The following PHACTR3 variants were observed in gnomAD, a reference collection of about 807,000 sequenced individuals.
The protein encoded by PHACTR3 is phosphatase and actin regulator 3.
PHACTR3 carries 16 observed loss-of-function variants against 66.8 expected under a neutral mutation model. The ratio of observed to expected loss-of-function variants is 0.24; its 90% CI spans 0.16 to 0.36. The LOEUF is 0.36. Among genes scored for constraint, PHACTR3 ranks in the 10% least tolerant of loss-of-function variants. PHACTR3 has a pLI of 1.00. For synonymous variants in PHACTR3, 323 were observed against 292.1 expected, an observed-to-expected ratio of 1.11 and a Z score of -1.08; for missense variants, 647 against 719.9, an observed-to-expected ratio of 0.90 and a Z score of 1.16.
chr20:59,624,479 G>A (rs2034372886), intron 1 of PHACTR3, among the ~76,000 whole-genome samples: 1 of 152,110 alleles, frequency 6.6e-6, no homozygotes, highest in Non-Finnish European at 1.5e-5. Context: ...AAGATCTCAG[G>A]TGCCGCTGAT....
intron 7 of PHACTR3, among the ~76,000 whole-genome samples, chr20:59,794,885 G>A (rs1205946494): frequency 2.6e-5 from 4 of 152,016 alleles, no homozygotes; most frequent in Admixed American, 6.5e-5. Flanking sequence ...GGTATCTAAT[G>A]TTCCATTTTT....
chr20:59,797,240 T>C (rs1339013389), intron 7 of PHACTR3, among the ~76,000 whole-genome samples: 1 of 152,202 alleles, frequency 6.6e-6, no homozygotes, highest in African/African-American at 2.4e-5. Context: ...GTTTTCCTGA[T>C]TTCATTGAAT....
chr20:59,690,363 A>T (rs1458858316), intron 1 of PHACTR3, among the ~76,000 whole-genome samples: 1 of 152,168 alleles, frequency 6.6e-6, no homozygotes, highest in Non-Finnish European at 1.5e-5. Context: ...ATCCTGTCTG[A>T]TGCCCTTTGG....
rs547446269 is a variant in PHACTR3, at chr20:59,724,845, G to T, written c.119-18262G>T. ...TAATTGATGTCTGTGAACCCTGGTG[G>T]CTGTGTGCCAGGTAGGTATGTGCTC... On this transcript the variant is annotated intron_variant, in intron 1 of 12. Coordinates refer to ENST00000371015, the MANE Select transcript of PHACTR3 (RefSeq NM_080672.5). 3.3e-5 allele frequency among the ~76,000 whole-genome samples: 5 copies of T among 152,344 alleles called. No homozygotes were observed. In the South Asian group the frequency reaches 1.0e-3, roughly 32 times the overall value.
intron 1 of PHACTR3, among the ~76,000 whole-genome samples, chr20:59,678,735 A>G (rs2146534648): frequency 1.3e-5 from 2 of 152,306 alleles, no homozygotes; most frequent in Admixed American, 1.3e-4. Flanking sequence ...CTATCAATTA[A>G]CTTTAGAAGA....
intron 1 of PHACTR3, among the ~76,000 whole-genome samples, chr20:59,719,673 T>C (rs571008891): frequency 6.6e-6 from 1 of 152,310 alleles, no homozygotes; most frequent in South Asian, 2.1e-4. Flanking sequence ...CAGCAGTTCC[T>C]TCTGGAATCT....
At chr20:59,608,149 T>C (rs1405783358) in intron 1 of PHACTR3, among the ~76,000 whole-genome samples, 1 of 152,174 alleles carries the variant, frequency 6.6e-6, no homozygotes, top group Non-Finnish European at 1.5e-5. Context: ...GACAAATGGT[T>C]TCTTGTTGTG....
intron 8 of PHACTR3, among the ~76,000 whole-genome samples, chr20:59,824,282 A>T (rs1157909071): frequency 6.6e-6 from 1 of 152,178 alleles, no homozygotes; most frequent in East Asian, 1.9e-4. Context: ...CACAGATTCA[A>T]GGTTGGCAGA....
At chr20:59,784,347 GTGTA>G (rs1030817455) in intron 7 of PHACTR3, among the ~76,000 whole-genome samples, 2 of 151,986 alleles carry the variant, frequency 1.3e-5, no homozygotes, top group Non-Finnish European at 2.9e-5. Context: ...TATATAGAAT[GTGTA>G]TGTACAAACA....
At chr20:59,768,423 A>G (rs927739525) in intron 5 of PHACTR3, among the ~76,000 whole-genome samples, 1 of 152,198 alleles carries the variant, frequency 6.6e-6, no homozygotes, top group Non-Finnish European at 1.5e-5. Context: ...TGCCCCATTT[A>G]TGGTTGAGAA....
intron 11 of PHACTR3, chr20:59,843,897 G>T (rs570456332): frequency 6.6e-6 from 1 of 152,004 alleles, no homozygotes; most frequent in Non-Finnish European, 1.5e-5. Context: ...GGGAATATGA[G>T]AAAATATTAA....
chr20:59,807,060 C>G (rs188211013), intron 8 of PHACTR3, among the ~76,000 whole-genome samples: 4 of 152,202 alleles, frequency 2.6e-5, no homozygotes, highest in Non-Finnish European at 4.4e-5. Flanking sequence ...AAGGCTAGCA[C>G]GCGACCGTGC....
chr20:59,618,935 CTG>C (rs1389935403), intron 1 of PHACTR3, among the ~76,000 whole-genome samples: 2 of 152,210 alleles, frequency 1.3e-5, no homozygotes, highest in Non-Finnish European at 2.9e-5. Flanking sequence ...CTAGGATGGA[CTG>C]TGTTTTCTTC....
At chr20:59,767,123 C>T in intron 4 of PHACTR3, 63 bp from the exon 5 acceptor site, 1 of 1,558,038 alleles carries the variant, frequency 6.4e-7, no homozygotes, top group Non-Finnish European at 8.8e-7. Context: ...TTGCTTTGCT[C>T]TCTTACTTCC....
At chr20:59,633,357 C>T (rs6100531) in intron 1 of PHACTR3, among the ~76,000 whole-genome samples, 108,919 of 152,034 alleles carry the variant, frequency 0.72, 39,185 homozygotes, top group East Asian at 0.91. Context: ...TGTGGGGACA[C>T]GGATGAAGGT....
intron 1 of PHACTR3, among the ~76,000 whole-genome samples, chr20:59,610,150 G>GA (rs2033804849): frequency 6.6e-6 from 1 of 152,196 alleles, no homozygotes; most frequent in African/African-American, 2.4e-5. Context: ...AGCTACTTGG[G>GA]GGGCTGAGCC....
chr20:59,737,708 A>G (rs73144861), intron 1 of PHACTR3, among the ~76,000 whole-genome samples: 14,276 of 152,190 alleles, frequency 0.094, 983 homozygotes, highest in Non-Finnish European at 0.15. Flanking sequence ...TTCATTGTTC[A>G]TCTCCTGCAG....
chr20:59,585,007 A>G (rs1477891285), intron 1 of PHACTR3, among the ~76,000 whole-genome samples: 3 of 152,102 alleles, frequency 2.0e-5, no homozygotes, highest in Non-Finnish European at 4.4e-5. Context: ...TCAAAACTTC[A>G]ACATATACAT....
At chr20:59,774,110 C>A in intron 6 of PHACTR3, 133 bp from the exon 7 acceptor site, 1 of 1,160,058 alleles carries the variant, frequency 8.6e-7, no homozygotes, top group Non-Finnish European at 1.2e-6. Flanking sequence ...CTGGTGTGTC[C>A]AGGATAAAAA....
Sources: allele counts gnomAD v4.1 joint callset (sites outside exome capture counted in the v4.1 genomes callset), GRCh38; gene constraint gnomAD v4.1.1; transcripts MANE v1.5; gene names NCBI Gene and HGNC (gene_info 2026-07-23, HGNC 2026-07-21).